TSC22D1: variants seen among roughly 807,000 people sequenced by gnomAD.
TSC22D1 encodes TSC22 domain family protein 1.
In TSC22D1, 9 loss-of-function variants were observed where a neutral mutation model predicts 74.2. The observed-to-expected ratio is 0.12, with a 90% confidence interval of 0.07 to 0.21. TSC22D1 has a LOEUF of 0.21. Among genes scored for constraint, TSC22D1 ranks in the 10% least tolerant of loss-of-function variants. The pLI is 1.00. For synonymous variants in TSC22D1, 586 were observed against 492.5 expected (o/e 1.19, Z -2.51); for missense variants, 1,427 against 1,304.7 (o/e 1.09, Z -1.44).
At chr13:44,521,633 A>G (rs1016070639) in intron 1 of TSC22D1, among the ~76,000 whole-genome samples, 4 of 152,010 alleles carry the variant, frequency 2.6e-5, no homozygotes, top group South Asian at 4.2e-4. Flanking sequence ...CATGTCTGGC[A>G]CTGAAAATAA....
intron 1 of TSC22D1, among the ~76,000 whole-genome samples, chr13:44,496,384 A>T (rs1284589822): frequency 3.9e-5 from 6 of 151,986 alleles, no homozygotes; most frequent in Admixed American, 1.3e-4. Flanking sequence ...AAACTTTTTT[A>T]AAAAAATCAG....
intron 1 of TSC22D1, among the ~76,000 whole-genome samples, chr13:44,563,666 GAA>G (rs1348491531): frequency 5.3e-5 from 8 of 152,020 alleles, no homozygotes; most frequent in Admixed American, 3.9e-4. Flanking sequence ...TAAAACTTGT[GAA>G]AAGTCACTTC....
intron 1 of TSC22D1, among the ~76,000 whole-genome samples, chr13:44,484,452 A>AGAGGTAAATAAT (rs1878334797): frequency 6.6e-6 from 1 of 152,208 alleles, no homozygotes; most frequent in Admixed American, 6.5e-5. Flanking sequence ...TTCTCAATTC[A>AGAGGTAAATAAT]GAGGTAAATA....
At chr13:44,546,749 C>CGTGTGTGT (rs58111185) in intron 1 of TSC22D1, among the ~76,000 whole-genome samples, 2,328 of 146,720 alleles carry the variant, frequency 0.016, 56 homozygotes, top group African/African-American at 0.053. Context: ...GTGTGAAATA[C>CGTGTGTGT]GTGTGTGTGT....
chr13:44,501,905 A>C (rs922436385), intron 1 of TSC22D1, among the ~76,000 whole-genome samples: 16 of 152,226 alleles, frequency 1.1e-4, no homozygotes, highest in Non-Finnish European at 2.2e-4. Context: ...CTTCACACTT[A>C]ACCTACCTAA....
At chr13:44,521,624 AT>A (rs1880320388) in intron 1 of TSC22D1, among the ~76,000 whole-genome samples, 1 of 151,918 alleles carries the variant, frequency 6.6e-6, no homozygotes, top group African/African-American at 2.4e-5. Flanking sequence ...ACTCCTCGCC[AT>A]GTCTGGCACT....
rs1412677831 is a variant in TSC22D1, at chr13:44,574,914, C to T, written c.1161G>A (p.Gly387=). Residue 387 remains glycine, a synonymous_variant, in exon 1 of 3, where the codon GGG becomes GGA. Transcript: ENST00000458659. Reference sequence around the variant, plus strand: ...GACTTGAAACCGATCCCCCAGTCATCCCTGCAGCTGCATTAGGAACACTGC... The same window carrying T: ...GACTTGAAACCGATCCCCCAGTCATTCCTGCAGCTGCATTAGGAACACTGC... ...AVSSVPNAAA[G]MTGGSVSSQQ... is the part of the protein sequence containing the mutation. 3 of 1,614,152 alleles carry T rather than the reference C, an allele frequency of 1.9e-6. No homozygotes were observed. The highest frequency in any genetic ancestry group is 1.6e-4 in the Middle Eastern group (1 of 6,062).
chr13:44,440,762 G>A (rs147416993), intron 1 of TSC22D1, among the ~76,000 whole-genome samples: 82 of 152,098 alleles, frequency 5.4e-4, no homozygotes, highest in African/African-American at 1.9e-3. Context: ...TAAATGAGAT[G>A]ACCAAATGCC....
At chr13:44,540,586 C>T (rs1881409671) in intron 1 of TSC22D1, among the ~76,000 whole-genome samples, 1 of 152,128 alleles carries the variant, frequency 6.6e-6, no homozygotes, top group South Asian at 2.1e-4. Flanking sequence ...GCAATACAGA[C>T]TCAAAATCCT....
At chr13:44,546,629 A>G (rs1353231430) in intron 1 of TSC22D1, among the ~76,000 whole-genome samples, 1 of 152,216 alleles carries the variant, frequency 6.6e-6, no homozygotes, top group Non-Finnish European at 1.5e-5. Flanking sequence ...AGACAAGGTC[A>G]AAATTCAAAA....
intron 1 of TSC22D1, among the ~76,000 whole-genome samples, chr13:44,504,328 C>T (rs904433612): frequency 2.0e-5 from 3 of 149,862 alleles, no homozygotes; most frequent in Non-Finnish European, 4.4e-5. Flanking sequence ...TTAAAAGTCA[C>T]TGGGTGGGCC....
intron 1 of TSC22D1, among the ~76,000 whole-genome samples, chr13:44,520,359 A>T (rs1476483282): frequency 6.6e-6 from 1 of 152,146 alleles, no homozygotes; most frequent in African/African-American, 2.4e-5. Flanking sequence ...TACACATATG[A>T]CTAGATACAA....
intron 2 of TSC22D1, 47 bp downstream of exon 2, chr13:44,435,997 T>A (rs1271457861): frequency 1.9e-6 from 3 of 1,564,840 alleles, no homozygotes; most frequent in Non-Finnish European, 2.6e-6. Context: ...ATCTTATTTT[T>A]GTGCTGTGCC....
At chr13:44,521,215 A>AC (rs1230219275) in intron 1 of TSC22D1, among the ~76,000 whole-genome samples, 2 of 152,114 alleles carry the variant, frequency 1.3e-5, no homozygotes, top group Non-Finnish European at 2.9e-5. Context: ...TAGGACGCTA[A>AC]CCCCCCACTA....
chr13:44,530,728 G>C (rs1180883904), intron 1 of TSC22D1, among the ~76,000 whole-genome samples: 1 of 151,330 alleles, frequency 6.6e-6, no homozygotes, highest in East Asian at 1.9e-4. Context: ...TCAGCAGATT[G>C]AGTGGAAAGT....
intron 1 of TSC22D1, among the ~76,000 whole-genome samples, chr13:44,553,260 C>T (rs1225102092): frequency 1.3e-5 from 2 of 152,024 alleles, no homozygotes; most frequent in Non-Finnish European, 2.9e-5. Context: ...CAAAATGTAT[C>T]GGTCTTCAAT....
intron 1 of TSC22D1, among the ~76,000 whole-genome samples, chr13:44,509,950 C>CAAAAAAAAAAAAAAAAAAAAAATAAA: frequency 4.5e-4 from 23 of 51,428 alleles, no homozygotes; most frequent in East Asian, 1.1e-3. Context: ...AGAAAATAAG[C>CAAAAAAAAAAAAAAAAAAAAAATAAA]AAAAAAAAAA....
intron 1 of TSC22D1, among the ~76,000 whole-genome samples, chr13:44,465,336 G>A (rs548807633): frequency 1.8e-4 from 28 of 152,274 alleles, no homozygotes; most frequent in African/African-American, 5.8e-4. Flanking sequence ...CTATATTCAC[G>A]TCATATGGCT....
intron 1 of TSC22D1, among the ~76,000 whole-genome samples, chr13:44,494,178 C>G (rs1878851159): frequency 6.6e-6 from 1 of 151,870 alleles, no homozygotes; most frequent in Non-Finnish European, 1.5e-5. Context: ...GAGTTTGAGA[C>G]TAGCCTGGCC....
Sources: allele counts gnomAD v4.1 joint callset (sites outside exome capture counted in the v4.1 genomes callset), GRCh38; gene constraint gnomAD v4.1.1; transcripts MANE v1.5; gene names NCBI Gene and HGNC (gene_info 2026-07-23, HGNC 2026-07-21).